TDRP: variants seen among roughly 807,000 people sequenced by gnomAD.
The protein encoded by TDRP is testis development related protein.
Under a neutral mutation model 10.5 loss-of-function variants are expected in TDRP, and 12 were observed. That is an observed-to-expected ratio of 1.15 (90% CI 0.73 to 1.86). The LOEUF (loss-of-function observed/expected upper bound fraction) is 1.86. TDRP is among the 40% of genes most tolerant of loss of function. The pLI is 0.00. For synonymous variants in TDRP, 139 were observed against 95.4 expected (o/e 1.46, Z -2.67); for missense variants, 353 against 229.2 (o/e 1.54, Z -3.49).
At chr8:525,195 T>C (rs1802005475) in intron 1 of TDRP, among the ~76,000 whole-genome samples, 1 of 152,110 alleles carries the variant, frequency 6.6e-6, no homozygotes. Context: ...AAAAACATTT[T>C]TACCCTAGAT....
intron 1 of TDRP, among the ~76,000 whole-genome samples, chr8:506,937 T>C (rs1001996984): frequency 2.6e-5 from 4 of 152,156 alleles, no homozygotes; most frequent in Admixed American, 2.0e-4. Context: ...ATTCTCACAC[T>C]GCTATAAAGA....
At chr8:523,262 C>T (rs901052010) in intron 1 of TDRP, among the ~76,000 whole-genome samples, 34 of 152,228 alleles carry the variant, frequency 2.2e-4, no homozygotes, top group African/African-American at 6.5e-4. Flanking sequence ...AACTTAACCC[C>T]GCATATAAAT....
At chr8:495,311 G>C (rs1482540919) in intron 1 of TDRP, among the ~76,000 whole-genome samples, 1 of 152,212 alleles carries the variant, frequency 6.6e-6, no homozygotes, top group Admixed American at 6.5e-5. Flanking sequence ...AGGTCCCCTA[G>C]AAGGGGGTCT....
chr8:498,204 G>C (rs1033264377), intron 1 of TDRP, among the ~76,000 whole-genome samples: 2 of 152,162 alleles, frequency 1.3e-5, no homozygotes, highest in African/African-American at 2.4e-5. Flanking sequence ...CTCGAACCAT[G>C]CACCTGAAAA....
At chr8:510,105 G>A (rs1801573448) in intron 1 of TDRP, among the ~76,000 whole-genome samples, 1 of 152,218 alleles carries the variant, frequency 6.6e-6, no homozygotes, top group East Asian at 1.9e-4. Context: ...CAGCCCGCCA[G>A]TGTGTTCACC....
Position 489,984 on chromosome 8 carries a change from A to G in TDRP, c.*2415T>C, listed in dbSNP as rs959926576. On this transcript the variant is annotated 3_prime_UTR_variant, in exon 3 of 3. Coordinates refer to ENST00000324079, the MANE Select transcript of TDRP (RefSeq NM_001384899.1). The stretch of plus-strand genomic sequence containing the variant: ...GTATTTTTATTTTTAAAAAACCTCA[A>G]CATTAAGGAGGAACCCTTCTCTGAA... 2 of 152,228 alleles carry G rather than the reference A, an allele frequency of 1.3e-5. No individual in the cohort carries two copies. Among genetic ancestry groups the G allele is most frequent in the Non-Finnish European group, 2.9e-5 (2 of 68,042 alleles). 9.4% of individuals were successfully genotyped at this position (152,228 alleles called of 1,614,324 possible). A position where few individuals can be genotyped will look rare whatever the true frequency, so the allele number is the denominator to read the frequency against.
chr8:503,935 G>A (rs1037856194), intron 1 of TDRP, among the ~76,000 whole-genome samples: 1 of 145,266 alleles, frequency 6.9e-6, no homozygotes, highest in African/African-American at 2.5e-5. Flanking sequence ...GGAATCCAGA[G>A]CCACACAATG....
At chr8:530,901 G>C (rs1349151412) in intron 1 of TDRP, among the ~76,000 whole-genome samples, 2 of 152,146 alleles carry the variant, frequency 1.3e-5, no homozygotes, top group Admixed American at 6.5e-5. Flanking sequence ...GTGCTGAGCT[G>C]TCCCGACCTC....
At chr8:522,152 T>TC (rs1801921311) in intron 1 of TDRP, among the ~76,000 whole-genome samples, 1 of 152,194 alleles carries the variant, frequency 6.6e-6, no homozygotes, top group Admixed American at 6.5e-5. Context: ...GGTCAGACAG[T>TC]CCCCTATTTA....
chr8:506,378 C>T (rs904831023), intron 1 of TDRP, among the ~76,000 whole-genome samples: 2 of 152,200 alleles, frequency 1.3e-5, no homozygotes, highest in African/African-American at 4.8e-5. Flanking sequence ...CTCCCTCTCA[C>T]TCCAGCTCCA....
At chr8:504,962 G>T (rs1801415772) in intron 1 of TDRP, among the ~76,000 whole-genome samples, 2 of 152,108 alleles carry the variant, frequency 1.3e-5, no homozygotes, top group African/African-American at 4.8e-5. Context: ...AACAGGGAAA[G>T]GGAACTTTTA....
intron 1 of TDRP, among the ~76,000 whole-genome samples, chr8:501,629 G>A (rs1409202978): frequency 1.3e-5 from 2 of 152,172 alleles, no homozygotes; most frequent in African/African-American, 4.8e-5. Flanking sequence ...TTACAGGCGT[G>A]AGACACCGCG....
intron 1 of TDRP, among the ~76,000 whole-genome samples, chr8:535,781 ACCCGAGGCAGGTCTCAGTGTAGGGGTG>A: frequency 1.5e-5 from 2 of 133,574 alleles, no homozygotes; most frequent in African/African-American, 6.3e-5. Flanking sequence ...GGGTGGGCCC[ACCCGAGGCAGGTCTCAGTGTAGGGGTG>A]GGCCCACCCG....
intron 1 of TDRP, among the ~76,000 whole-genome samples, chr8:534,184 C>T (rs1048986545): frequency 1.3e-5 from 2 of 152,172 alleles, no homozygotes; most frequent in Non-Finnish European, 2.9e-5. Flanking sequence ...AAATTATTTA[C>T]AAGGTTGTAA....
rs560913953 is a variant in TDRP at position 501,153 on chromosome 8, C to T, written c.109-6556G>A. Among the ~76,000 whole-genome samples, 244 of 151,748 alleles carry T rather than the reference C, an allele frequency of 1.6e-3. 1 individual carries two copies. The highest frequency in any genetic ancestry group is 5.5e-3 in the African/African-American group (228 of 41,452). On this transcript the variant is annotated intron_variant, in intron 1 of 2. Transcript: ENST00000324079. ...CCGAGGAGGTGGAGCTTGCAGTGAG[C>T]TGAGATCGCGCCACTGCACTCCAGC... is the stretch of plus-strand genomic sequence containing the variant.
At chr8:500,215 C>T (rs1801249439) in intron 1 of TDRP, among the ~76,000 whole-genome samples, 1 of 152,136 alleles carries the variant, frequency 6.6e-6, no homozygotes, top group Non-Finnish European at 1.5e-5. Flanking sequence ...TAAAAAAGTG[C>T]TTCATGTTTC....
rs537242669 is a variant in TDRP, at chr8:510,559, C to T, written c.109-15962G>A. Among the ~76,000 whole-genome samples the T allele has an allele frequency of 1.1e-4, 16 of 152,126 alleles. No homozygotes were observed. In the South Asian group the frequency reaches 1.5e-3, roughly 14 times the overall value. ...GACTCTCAGTAAAAACAATGAATGC[C>T]GGAAGGCAGTGGAATAACACAATCA... On this transcript the variant is annotated intron_variant, in intron 1 of 2. Coordinates refer to ENST00000324079, the MANE Select transcript of TDRP (RefSeq NM_001384899.1).
intron 1 of TDRP, among the ~76,000 whole-genome samples, chr8:507,654 G>T (rs2116765022): frequency 6.6e-6 from 1 of 152,238 alleles, no homozygotes; most frequent in Middle Eastern, 3.4e-3. Flanking sequence ...TACACCACTG[G>T]GGGCAGGGTG....
chr8:540,804 C>T (rs541994917), intron 1 of TDRP, among the ~76,000 whole-genome samples: 1,023 of 77,500 alleles, frequency 0.013, 17 homozygotes, highest in African/African-American at 0.047. Flanking sequence ...TACTTTTTCA[C>T]GTAAAAAAAA....
Sources: allele counts gnomAD v4.1 joint callset (sites outside exome capture counted in the v4.1 genomes callset), GRCh38; gene constraint gnomAD v4.1.1; transcripts MANE v1.5; gene names NCBI Gene and HGNC (gene_info 2026-07-23, HGNC 2026-07-21).